Variants in ZFYVE9 observed in about 807,000 individuals in gnomAD.
ZFYVE9 encodes zinc finger FYVE-type containing 9, also known as zinc finger FYVE domain-containing protein 9.
Under a neutral mutation model 126.7 loss-of-function variants are expected in ZFYVE9, and 43 were observed. That is an observed-to-expected ratio of 0.34 (90% CI 0.27 to 0.44). The LOEUF (loss-of-function observed/expected upper bound fraction) is 0.44. Ranked by LOEUF, ZFYVE9 falls within the 20% of genes least tolerant of loss-of-function variation. ZFYVE9 has a pLI of 1.00. For synonymous variants in ZFYVE9, 521 were observed against 597.4 expected, an observed-to-expected ratio of 0.87 and a Z score of 1.87; for missense variants, 1,476 against 1,697.0, an observed-to-expected ratio of 0.87 and a Z score of 2.29.
chr1:52,285,765 C>A (rs1413556345), intron 10 of ZFYVE9, among the ~76,000 whole-genome samples: 1 of 152,116 alleles, frequency 6.6e-6, no homozygotes, highest in Non-Finnish European at 1.5e-5. Context: ...GCGCTTGAAT[C>A]ATCCTGAAAC....
intron 15 of ZFYVE9, among the ~76,000 whole-genome samples, chr1:52,335,757 C>G (rs528060810): frequency 5.9e-5 from 9 of 152,094 alleles, no homozygotes; most frequent in Non-Finnish European, 8.8e-5. Flanking sequence ...GAGATATGAC[C>G]ATTTATGGAA....
intron 13 of ZFYVE9, among the ~76,000 whole-genome samples, chr1:52,332,373 GAA>G (rs956451860): frequency 1.3e-5 from 2 of 152,152 alleles, no homozygotes; most frequent in Admixed American, 6.5e-5. Context: ...AGTTGAAAAA[GAA>G]AGCAGATGTA....
At chr1:52,288,010 A>G (rs1308982056) in intron 10 of ZFYVE9, among the ~76,000 whole-genome samples, 1 of 152,230 alleles carries the variant, frequency 6.6e-6, no homozygotes, top group Non-Finnish European at 1.5e-5. Context: ...GGAACTATTT[A>G]TGAAGAAGTG....
At chr1:52,284,609 C>T (rs1332389678) in intron 10 of ZFYVE9, among the ~76,000 whole-genome samples, 8 of 152,070 alleles carry the variant, frequency 5.3e-5, no homozygotes, top group African/African-American at 1.2e-4. Context: ...TTAGTAGAGA[C>T]GGGGTTTCAC....
At chr1:52,293,806 G>A in intron 11 of ZFYVE9, 129 bp downstream of exon 11, 2 of 838,918 alleles carry the variant, frequency 2.4e-6, no homozygotes, top group Non-Finnish European at 3.7e-6. Context: ...AATTTGGCCA[G>A]TGTCTGCGTG....
chr1:52,258,510 T>C (rs1398677888), intron 4 of ZFYVE9, among the ~76,000 whole-genome samples: 2 of 148,912 alleles, frequency 1.3e-5, no homozygotes, highest in African/African-American at 5.0e-5. Context: ...CTGGCCCACC[T>C]AAAATGCCAA....
intron 1 of ZFYVE9, among the ~76,000 whole-genome samples, chr1:52,143,432 G>C (rs2124483684): frequency 6.6e-6 from 1 of 152,258 alleles, no homozygotes; most frequent in African/African-American, 2.4e-5. Flanking sequence ...GTATGTGAAA[G>C]TTATAAGACT....
At chr1:52,294,083 G>C (rs1645950565) in intron 11 of ZFYVE9, among the ~76,000 whole-genome samples, 1 of 152,198 alleles carries the variant, frequency 6.6e-6, no homozygotes, top group Non-Finnish European at 1.5e-5. Flanking sequence ...CAGTTGGTAA[G>C]ATACAGGCTA....
At chr1:52,157,336 A>G (rs1310731206) in intron 1 of ZFYVE9, among the ~76,000 whole-genome samples, 2 of 147,052 alleles carry the variant, frequency 1.4e-5, no homozygotes, top group Non-Finnish European at 3.0e-5. Flanking sequence ...GATTATATAT[A>G]TTAAGCAGCA....
intron 1 of ZFYVE9, among the ~76,000 whole-genome samples, chr1:52,177,148 A>AT (rs35941523): frequency 0.013 from 1,746 of 131,448 alleles, 29 homozygotes; most frequent in African/African-American, 0.038. Flanking sequence ...CCCCAGCCCG[A>AT]TTTTTTTTTT....
Position 52,238,383 on chromosome 1 carries a change from G to A in ZFYVE9, c.966G>A (p.Glu322=), listed in dbSNP as rs781594598. The A allele has an allele frequency of 6.2e-7, 1 of 1,613,862 alleles. No individual in the cohort carries two copies. Among genetic ancestry groups the A allele is most frequent in the Non-Finnish European group, 8.5e-7 (1 of 1,179,948 alleles). Residue 322 remains glutamate (E), a synonymous_variant, in exon 4 of 19, where the codon GAG becomes GAA. Coordinates refer to ENST00000287727, the MANE Select transcript of ZFYVE9 (RefSeq NM_004799.4). The part of the protein sequence containing the change: ...HMSEGILMKK[E]PAEESTTEES... Reference sequence around the variant, plus strand: ...GTGAGGGGATTTTGATGAAAAAAGAGCCAGCAGAGGAGAGCACCACTGAAG... The same window carrying A: ...GTGAGGGGATTTTGATGAAAAAAGAACCAGCAGAGGAGAGCACCACTGAAG...
At chr1:52,180,523 T>A in intron 1 of ZFYVE9, 1 of 734,524 alleles carries the variant, frequency 1.4e-6, no homozygotes, top group East Asian at 2.5e-5. Context: ...TCTGTCCCCA[T>A]GAAGAGGGAC....
chr1:52,278,975 G>A (rs1355960018), intron 9 of ZFYVE9, among the ~76,000 whole-genome samples: 1 of 151,906 alleles, frequency 6.6e-6, no homozygotes, highest in Admixed American at 6.6e-5. Flanking sequence ...TCCTGACCTG[G>A]TGATCCGCCC....
chr1:52,219,908 G>C (rs930706373), intron 2 of ZFYVE9, among the ~76,000 whole-genome samples: 2 of 151,894 alleles, frequency 1.3e-5, no homozygotes, highest in Admixed American at 1.3e-4. Context: ...CTCCTGAGTA[G>C]CTGGGACTAC....
chr1:52,337,646 G>A lies in ZFYVE9; in HGVS notation c.3671-126G>A, dbSNP rs562003837. On this transcript the variant is annotated intron_variant, in intron 15 of 18. Coordinates refer to ENST00000287727, the MANE Select transcript of ZFYVE9 (RefSeq NM_004799.4). ...TTCAGTAAGAGGTTCAGCTCAAAGAGCAAAACCTCTGTATCAGTCAGCTTT... is the reference window on the plus strand; with the variant it reads ...TTCAGTAAGAGGTTCAGCTCAAAGAACAAAACCTCTGTATCAGTCAGCTTT... 4.7e-5 allele frequency: 50 copies of A among 1,074,104 alleles called. No individual in the cohort carries two copies. The African/African-American group carries it at 6.6e-4, about 14-fold the overall frequency. The allele number at this position is 1,074,104 out of a possible 1,614,324, so 66.5% of individuals were successfully genotyped here.
chr1:52,266,563 G>T, intron 5 of ZFYVE9, 92 bp from the exon 6 acceptor site: 4 of 1,130,838 alleles, frequency 3.5e-6, no homozygotes, highest in Non-Finnish European at 4.9e-6. Context: ...GTATTAATTA[G>T]GAGAAGCTGC....
intron 2 of ZFYVE9, among the ~76,000 whole-genome samples, chr1:52,231,533 A>G (rs1645221300): frequency 6.6e-6 from 1 of 152,044 alleles, no homozygotes; most frequent in Admixed American, 6.6e-5. Flanking sequence ...AAAATAATTC[A>G]CAGATTATGT....
At chr1:52,297,096 G>T (rs1645984185) in intron 12 of ZFYVE9, among the ~76,000 whole-genome samples, 1 of 151,416 alleles carries the variant, frequency 6.6e-6, no homozygotes, top group African/African-American at 2.4e-5. Context: ...ATGAGCCACT[G>T]CTCCCAGCTG....
chr1:52,261,031 G>C (rs1645574815), intron 4 of ZFYVE9, among the ~76,000 whole-genome samples: 1 of 151,788 alleles, frequency 6.6e-6, no homozygotes, highest in Admixed American at 6.6e-5. Context: ...TACTATTACT[G>C]TCTCTTCTTG....
Sources: gnomAD v4.1 joint callset for allele counts (sites outside exome capture counted in the v4.1 genomes callset) on GRCh38, gnomAD v4.1.1 for gene constraint, MANE v1.5 for transcripts, NCBI Gene and HGNC (gene_info 2026-07-23, HGNC 2026-07-21) for gene names.